Variants in CALML4 observed in about 807,000 individuals in gnomAD.
CALML4 encodes the protein calmodulin-like protein 4.
Under a neutral mutation model 17.9 loss-of-function variants are expected in CALML4, and 16 were observed. The ratio of observed to expected loss-of-function variants is 0.89; its 90% CI spans 0.61 to 1.36. The LOEUF is 1.36. Ranked by LOEUF, CALML4 falls within the 40% of genes most tolerant of loss-of-function variation. The probability of loss-of-function intolerance (pLI) is 0.00; values close to 1 mark genes in which losing one functional copy is unlikely to be tolerated. For synonymous variants in CALML4, 86 were observed against 71.5 expected, an observed-to-expected ratio of 1.20 and a Z score of -1.02; for missense variants, 203 against 194.8, an observed-to-expected ratio of 1.04 and a Z score of -0.25.
chr15:68,194,448 A>ATCTCAGCTCACTGCAACC (rs1567088510), intron 4 of CALML4, among the ~76,000 whole-genome samples: 2 of 151,036 alleles, frequency 1.3e-5, no homozygotes, highest in Non-Finnish European at 2.9e-5. Context: ...CAGTGGCACA[A>ATCTCAGCTCACTGCAACC]TCTCAGCTCA....
rs775407732 is a variant in CALML4, at chr15:68,197,605, A to C, written c.199T>G (p.Ser67Ala). 1.7e-5 allele frequency: 27 copies of C among 1,614,022 alleles called. No homozygotes were observed. Among genetic ancestry groups the C allele is most frequent in the Non-Finnish European group, 2.3e-5 (27 of 1,179,994 alleles). The change falls in exon 4 of 5, where the codon TCC becomes GCC. Residue 67 changes from serine (S) to alanine (A), a missense_variant. Coordinates refer to ENST00000467889, the MANE Select transcript of CALML4 (RefSeq NM_033429.3). The surrounding 1 kb of genome is among the most constrained non-coding windows in gnomAD (Gnocchi z 4.1). ...GIDGNGELDF[S>A]TFLTIMHMQI... ...ATGTGCATAATGGTCAGAAAAGTGGAGAAATCCAGCTCTCCATTTCCGTCT... is the reference window on the plus strand; with the variant it reads ...ATGTGCATAATGGTCAGAAAAGTGGCGAAATCCAGCTCTCCATTTCCGTCT...
At chr15:68,202,327 T>C (rs551369995) in intron 2 of CALML4, among the ~76,000 whole-genome samples, 1 of 152,346 alleles carries the variant, frequency 6.6e-6, no homozygotes, top group Admixed American at 6.5e-5. Flanking sequence ...CATCTAGGGC[T>C]GGGTGCAGTG....
At position 68,197,522 on chromosome 15, in the gene CALML4, G is replaced by A. The variant is rs374852951; in HGVS notation, c.282C>T (p.Asp94=). Residue 94 remains aspartate, a synonymous_variant, in exon 4 of 5, where the codon GAC becomes GAT. Coordinates refer to ENST00000467889, the MANE Select transcript of CALML4 (RefSeq NM_033429.3). This position sits in a 1 kb window ranked among gnomAD's most constrained non-coding sequence, Gnocchi z 4.1. ...CCATGACGTAACCTTTCTTCTCCTTGTCCACCATCAACATGGCTAGAAGAA... is the reference window on the plus strand; with the variant it reads ...CCATGACGTAACCTTTCTTCTCCTTATCCACCATCAACATGGCTAGAAGAA... The part of the protein sequence containing the change: ...KEILLAMLMV[D]KEKKGYVMAS... The A allele has an allele frequency of 3.6e-5, 58 of 1,613,972 alleles. No homozygotes were observed. Among genetic ancestry groups the A allele is most frequent in the Non-Finnish European group, 4.7e-5 (56 of 1,180,020 alleles).
At chr15:68,201,239 G>A (rs2093164661) in intron 2 of CALML4, among the ~76,000 whole-genome samples, 2 of 152,236 alleles carry the variant, frequency 1.3e-5, no homozygotes, top group African/African-American at 4.8e-5. Context: ...TTCCGAAGGG[G>A]CAAACCAAAG....
At position 68,204,978 on chromosome 15, in the gene CALML4, G is replaced by T; in HGVS notation, c.34+143C>A. On this transcript the variant is annotated intron_variant, in intron 2 of 4. Coordinates refer to ENST00000467889, the MANE Select transcript of CALML4 (RefSeq NM_033429.3). The surrounding 1 kb of genome is among the most constrained non-coding windows in gnomAD (Gnocchi z 6.0). ...CCCAACCCCCACCCCGCCAACAGCA[G>T]CCTCCCCGCAGCTCTTGGCCCTGGG... The T allele has an allele frequency of 2.2e-6, 2 of 892,214 alleles. No individual in the cohort carries two copies. The highest frequency in any genetic ancestry group is 3.5e-6 in the Non-Finnish European group (2 of 572,328). 55.3% of individuals were successfully genotyped at this position (892,214 alleles called of 1,614,324 possible).
At position 68,204,703 on chromosome 15, in the gene CALML4, C is replaced by T. The variant is rs905138880; in HGVS notation, c.34+418G>A. ...CATTTTACAGATAGGGAGACTGAGGCGCAGAGAGTAGACGCATCCTGCCAG... is the reference window on the plus strand; with the variant it reads ...CATTTTACAGATAGGGAGACTGAGGTGCAGAGAGTAGACGCATCCTGCCAG... On this transcript the variant is annotated intron_variant, in intron 2 of 4. Transcript: ENST00000467889. The surrounding 1 kb of genome is among the most constrained non-coding windows in gnomAD (Gnocchi z 6.0). 3.3e-5 allele frequency among the ~76,000 whole-genome samples: 5 copies of T among 152,118 alleles called. No homozygotes were observed. Among genetic ancestry groups the T allele is most frequent in the East Asian group, 1.9e-4 (1 of 5,194 alleles).
At chr15:68,195,284 T>C (rs184451620) in intron 4 of CALML4, among the ~76,000 whole-genome samples, 3 of 152,298 alleles carry the variant, frequency 2.0e-5, no homozygotes, top group East Asian at 1.9e-4. Context: ...TTAGAAAATA[T>C]CCTGTGATTC....
rs937878011 is a variant in CALML4 at position 68,205,329 on chromosome 15, G to C, written c.-82C>G. ...CCTTTCCTCCAGCCTCAAGTCTAAA[G>C]TCTGCCAAGCTGGGTGGAGGCCCGG... On this transcript the variant is annotated 5_prime_UTR_variant, in exon 1 of 5. Transcript: ENST00000467889. The surrounding 1 kb of genome is among the most constrained non-coding windows in gnomAD (Gnocchi z 4.8). The C allele has an allele frequency of 3.7e-6, 6 of 1,614,106 alleles. No homozygotes were observed. The highest frequency in any genetic ancestry group is 4.2e-6 in the Non-Finnish European group (5 of 1,180,032).
chr15:68,192,830 C>A lies in CALML4; in HGVS notation c.*1185G>T, dbSNP rs1384101736. On this transcript the variant is annotated 3_prime_UTR_variant, in exon 5 of 5. Transcript: ENST00000467889. ...CCCACTTTTGATACATACATGGATG[C>A]AAATCTTTGTACTTGAAGCCCTGCA... 6.6e-6 allele frequency: 1 copy of A among 152,242 alleles called. No individual in the cohort carries two copies. 9.4% of individuals were successfully genotyped at this position (152,242 alleles called of 1,614,324 possible).
intron 3 of CALML4, among the ~76,000 whole-genome samples, chr15:68,199,158 T>C (rs535607173): frequency 1.2e-4 from 18 of 151,746 alleles, no homozygotes; most frequent in Admixed American, 9.2e-4. Flanking sequence ...AGCAAGACTC[T>C]GTCCCCCCTC....
rs144733091 is a variant in CALML4, at chr15:68,197,984, C to G, written c.176-356G>C. 2.7e-3 allele frequency: 565 copies of G among 210,450 alleles called. 2 individuals carry two copies. The highest frequency in any genetic ancestry group is 0.012 in the African/African-American group (522 of 43,848). 13.0% of individuals were successfully genotyped at this position (210,450 alleles called of 1,614,324 possible). A position where few individuals can be genotyped will look rare whatever the true frequency, so the allele number is the denominator to read the frequency against. On this transcript the variant is annotated intron_variant, in intron 3 of 4. Coordinates refer to ENST00000467889, the MANE Select transcript of CALML4 (RefSeq NM_033429.3). The surrounding 1 kb of genome is among the most constrained non-coding windows in gnomAD (Gnocchi z 4.1). ...AGGGAAACAGGTCCATGTGTGCATT[C>G]CACCTTTGACAGCCACCACAGTACA...
rs1387388197 is a variant in CALML4, at chr15:68,190,835, T to C, written c.*3180A>G. 3 of 152,216 alleles carry C rather than the reference T, an allele frequency of 2.0e-5. No individual in the cohort carries two copies. The highest frequency in any genetic ancestry group is 1.3e-4 in the Admixed American group (2 of 15,274). The allele number at this position is 152,216 out of a possible 1,614,324, so 9.4% of individuals were successfully genotyped here. On this transcript the variant is annotated 3_prime_UTR_variant, in exon 5 of 5. Transcript: ENST00000467889. This position sits in a 1 kb window ranked among gnomAD's most constrained non-coding sequence, Gnocchi z 4.7. ...AGCATTAAAATTGCTTTACTAATTA[T>C]TTAGACATGATCACAATTCTGTATC... is the stretch of plus-strand genomic sequence containing the variant.
At chr15:68,199,917 G>A (rs1359459740) in intron 2 of CALML4, 4 of 376,406 alleles carry the variant, frequency 1.1e-5, no homozygotes, top group African/African-American at 8.3e-5. Flanking sequence ...TTTTGCATAG[G>A]ACATATACTT....
rs1405112455 is a variant in CALML4 at position 68,197,524 on chromosome 15, C to A, written c.280G>T (p.Asp94Tyr). Residue 94 changes from aspartate (D) to tyrosine (Y), a missense_variant, in exon 4 of 5, where the codon GAC (aspartate) becomes TAC (tyrosine). Transcript: ENST00000467889. The surrounding 1 kb of genome is among the most constrained non-coding windows in gnomAD (Gnocchi z 4.1). ...ATGACGTAACCTTTCTTCTCCTTGTCCACCATCAACATGGCTAGAAGAATT... is the reference window on the plus strand; with the variant it reads ...ATGACGTAACCTTTCTTCTCCTTGTACACCATCAACATGGCTAGAAGAATT... ...KEILLAMLMV[D>Y]KEKKGYVMAS... The A allele has an allele frequency of 6.2e-7, 1 of 1,614,042 alleles. No homozygotes were observed. The highest frequency in any genetic ancestry group is 8.5e-7 in the Non-Finnish European group (1 of 1,180,036).
chr15:68,197,357 G>C lies in CALML4; in HGVS notation c.364+83C>G. The C allele has an allele frequency of 7.2e-7, 1 of 1,380,976 alleles. No individual in the cohort carries two copies. 85.5% of individuals were successfully genotyped at this position (1,380,976 alleles called of 1,614,324 possible). ...CAACAGAGGTGGTCTGTACCACCCT[G>C]GTGGCATCAGCTAGGCTTTGGTGCC... On this transcript the variant is annotated intron_variant, in intron 4 of 4. Transcript: ENST00000467889. This position sits in a 1 kb window ranked among gnomAD's most constrained non-coding sequence, Gnocchi z 4.1.
At position 68,193,332 on chromosome 15, in the gene CALML4, G is replaced by C. The variant is rs1040319319; in HGVS notation, c.*683C>G. 1.3e-5 allele frequency: 2 copies of C among 152,332 alleles called. No homozygotes were observed. Among genetic ancestry groups the C allele is most frequent in the Admixed American group, 1.3e-4 (2 of 15,290 alleles). The allele number at this position is 152,332 out of a possible 1,614,324, so 9.4% of individuals were successfully genotyped here. A position where few individuals can be genotyped will look rare whatever the true frequency, so the allele number is the denominator to read the frequency against. ...GCTCTTCCTGCTCTCAGCTGATGCT[G>C]CCTCATTGTAGCATGTGTTTTCACT... On this transcript the variant is annotated 3_prime_UTR_variant, in exon 5 of 5. Coordinates refer to ENST00000467889, the MANE Select transcript of CALML4 (RefSeq NM_033429.3).
intron 3 of CALML4, among the ~76,000 whole-genome samples, chr15:68,198,776 C>A (rs1388081640): frequency 1.3e-5 from 2 of 151,570 alleles, no homozygotes; most frequent in Non-Finnish European, 2.9e-5. Flanking sequence ...TTAGGTCAGT[C>A]TTTGATATCA....
chr15:68,205,539 C>G, upstream of CALML4: 2 of 817,624 alleles, frequency 2.4e-6, no homozygotes, highest in Non-Finnish European at 3.8e-6. The surrounding 1 kb of genome is among the most constrained non-coding windows in gnomAD (Gnocchi z 4.8). Context: ...GGACAAATGC[C>G]AGTGTTTCTT....
intron 3 of CALML4, among the ~76,000 whole-genome samples, chr15:68,199,281 C>T (rs989019036): frequency 1.3e-5 from 2 of 152,048 alleles, no homozygotes; most frequent in Admixed American, 6.6e-5. Flanking sequence ...TCGCTGTCAG[C>T]GCGATTTTTC....
Sources: allele counts gnomAD v4.1 joint callset (sites outside exome capture counted in the v4.1 genomes callset), GRCh38; gene constraint gnomAD v4.1.1; non-coding constraint Gnocchi (gnomAD v3.1); transcripts MANE v1.5; gene names NCBI Gene and HGNC (gene_info 2026-07-23, HGNC 2026-07-21).